MXI1: variants seen among roughly 807,000 people sequenced by gnomAD.
MXI1 encodes MAX interactor 1, dimerization protein, also known as max-interacting protein 1.
Under a neutral mutation model 36.9 loss-of-function variants are expected in MXI1, and 18 were observed. That is an observed-to-expected ratio of 0.49 (90% confidence interval 0.34 to 0.72). The LOEUF (loss-of-function observed/expected upper bound fraction) is 0.72. Ranked by LOEUF, MXI1 falls within the 30% of genes least tolerant of loss-of-function variation. MXI1 has a pLI of 0.01. For synonymous variants in MXI1, 160 were observed against 146.7 expected (o/e 1.09, Z -0.65); for missense variants, 304 against 379.1 (o/e 0.80, Z 1.64).
intron 1 of MXI1, among the ~76,000 whole-genome samples, chr10:110,215,082 C>T (rs1451893064): frequency 1.5e-5 from 2 of 131,988 alleles, no homozygotes; most frequent in African/African-American, 6.0e-5. Flanking sequence ...CACTCTGTTG[C>T]CCAGGCTGGA....
intron 3 of MXI1, among the ~76,000 whole-genome samples, chr10:110,249,919 A>G (rs1476778604): frequency 2.0e-5 from 3 of 152,292 alleles, no homozygotes; most frequent in Non-Finnish European, 2.9e-5. Flanking sequence ...CCAGATAGCT[A>G]TCTCAAACAA....
chr10:110,219,077 A>G (rs1172736905), intron 1 of MXI1, among the ~76,000 whole-genome samples: 1 of 152,244 alleles, frequency 6.6e-6, no homozygotes, highest in African/African-American at 2.4e-5. Context: ...AAGTGGGTGG[A>G]TCACCTGAGG....
At chr10:110,215,184 G>A (rs1443257472) in intron 1 of MXI1, among the ~76,000 whole-genome samples, 1 of 151,988 alleles carries the variant, frequency 6.6e-6, no homozygotes, top group African/African-American at 2.4e-5. Context: ...TGGGACTACA[G>A]GTGGTTGCCA....
chr10:110,283,678 C>G (rs937520538), intron 5 of MXI1, among the ~76,000 whole-genome samples: 3 of 151,842 alleles, frequency 2.0e-5, no homozygotes, highest in Admixed American at 1.3e-4. Context: ...CACTCTAGCT[C>G]TGATGGGAGA....
rs576786286 is a variant in MXI1, at chr10:110,211,321, C to T, written c.274+3239C>T. Reference sequence around the variant, plus strand: ...CGGCAGCTCCAGCCTCTTCTGACGTCACGCGTTGCTGGGGCCGGAGGCTGG... The same window carrying T: ...CGGCAGCTCCAGCCTCTTCTGACGTTACGCGTTGCTGGGGCCGGAGGCTGG... On this transcript the variant is annotated intron_variant, in intron 1 of 5. Transcript: ENST00000332674. Among the ~76,000 whole-genome samples, 6 of 152,310 alleles carry T rather than the reference C, an allele frequency of 3.9e-5. No individual in the cohort carries two copies. In the South Asian group the frequency reaches 1.2e-3, roughly 32 times the overall value.
In MXI1 at chr10:110,287,082, GTTTGT is replaced by G. The variant is rs1166782715; in HGVS notation, c.*2102_*2106del. ...GAATGAAGCCAGTGACTAAGCTTCTGTTTGTTTTGTTATTCTCATGGCCTTCGCTT... is the reference window on the plus strand; with the variant it reads ...GAATGAAGCCAGTGACTAAGCTTCTGTTTGTTATTCTCATGGCCTTCGCTT... On this transcript the variant is annotated 3_prime_UTR_variant, in exon 6 of 6. Transcript: ENST00000332674. The G allele has an allele frequency of 6.6e-6, 1 of 152,200 alleles. No homozygotes were observed. The highest frequency in any genetic ancestry group is 1.5e-5 in the Non-Finnish European group (1 of 68,036). The allele number at this position is 152,200 out of a possible 1,614,324, so 9.4% of individuals were successfully genotyped here. A position where few individuals can be genotyped will look rare whatever the true frequency, so the allele number is the denominator to read the frequency against.
At chr10:110,261,429 A>ATT (rs754963291) in intron 3 of MXI1, among the ~76,000 whole-genome samples, 4,056 of 141,276 alleles carry the variant, frequency 0.029, 288 homozygotes, top group East Asian at 0.26. Context: ...TATTCAAACC[A>ATT]TTTTTTTTTT....
chr10:110,259,680 A>T (rs750164409), intron 3 of MXI1, among the ~76,000 whole-genome samples: 1 of 152,054 alleles, frequency 6.6e-6, no homozygotes, highest in Non-Finnish European at 1.5e-5. Context: ...TCTAAAAATG[A>T]AGAGATTCAG....
chr10:110,254,966 C>T (rs1226062798), intron 3 of MXI1, among the ~76,000 whole-genome samples: 1 of 151,990 alleles, frequency 6.6e-6, no homozygotes, highest in Non-Finnish European at 1.5e-5. Context: ...ACGAAGGTGG[C>T]AACAGATTTT....
At chr10:110,219,634 C>A (rs763020261) in intron 1 of MXI1, among the ~76,000 whole-genome samples, 1 of 152,212 alleles carries the variant, frequency 6.6e-6, no homozygotes, top group Admixed American at 6.5e-5. Flanking sequence ...AGCCACCTAA[C>A]CTTATCCCAT....
At chr10:110,276,509 A>G (rs1351425536) in intron 3 of MXI1, among the ~76,000 whole-genome samples, 1 of 152,210 alleles carries the variant, frequency 6.6e-6, no homozygotes, top group Non-Finnish European at 1.5e-5. Flanking sequence ...ATTTATTCAG[A>G]TTCTGTTGTC....
chr10:110,270,439 A>T (rs568575711), intron 3 of MXI1, among the ~76,000 whole-genome samples: 53 of 144,170 alleles, frequency 3.7e-4, no homozygotes, highest in Admixed American at 2.4e-3. Context: ...AGATTTAATT[A>T]TTTTTTTTTT....
chr10:110,208,167 C>CG, intron 1 of MXI1, 85 bp downstream of exon 1: 1 of 1,388,388 alleles, frequency 7.2e-7, no homozygotes, highest in Non-Finnish European at 9.7e-7. Flanking sequence ...GAGCTCGGCC[C>CG]GTCCCCCCCC....
intron 3 of MXI1, among the ~76,000 whole-genome samples, chr10:110,274,013 G>A (rs1005358251): frequency 2.0e-5 from 3 of 152,166 alleles, no homozygotes; most frequent in African/African-American, 4.8e-5. Context: ...AACAGTGTGC[G>A]CTTCCTATTA....
chr10:110,283,629 C>T (rs1857339041), intron 5 of MXI1, among the ~76,000 whole-genome samples: 1 of 151,610 alleles, frequency 6.6e-6, no homozygotes, highest in Non-Finnish European at 1.5e-5. Context: ...AAACATCAGG[C>T]TTTGAATTTA....
intron 1 of MXI1, among the ~76,000 whole-genome samples, chr10:110,222,010 T>A (rs58940848): frequency 0.021 from 3,269 of 152,304 alleles, 55 homozygotes; most frequent in African/African-American, 0.035. Context: ...CCCGCAGCTC[T>A]GAGCTGCCGC....
At chr10:110,274,435 C>G (rs1590402828) in intron 3 of MXI1, among the ~76,000 whole-genome samples, 1 of 152,038 alleles carries the variant, frequency 6.6e-6, no homozygotes, top group Non-Finnish European at 1.5e-5. Context: ...AGCAAGGGGA[C>G]TCCAGTTTTC....
intron 5 of MXI1, among the ~76,000 whole-genome samples, chr10:110,283,706 CTTTTTG>C (rs1022551494): frequency 4.0e-5 from 6 of 151,870 alleles, no homozygotes; most frequent in African/African-American, 7.3e-5. Flanking sequence ...TTTTTAACTC[CTTTTTG>C]TTTTTAACAT....
intron 1 of MXI1, among the ~76,000 whole-genome samples, chr10:110,217,178 G>T (rs1225536509): frequency 6.6e-6 from 1 of 152,066 alleles, no homozygotes; most frequent in Non-Finnish European, 1.5e-5. Flanking sequence ...CATGCTCTTG[G>T]CCACAGACCT....
Sources: gnomAD v4.1 joint callset for allele counts (sites outside exome capture counted in the v4.1 genomes callset) on GRCh38, gnomAD v4.1.1 for gene constraint, MANE v1.5 for transcripts, NCBI Gene and HGNC (gene_info 2026-07-23, HGNC 2026-07-21) for gene names.